The following CASQ2 variants were observed in gnomAD, a reference collection of about 807,000 sequenced individuals.
CASQ2 encodes the protein calsequestrin-2.
Under a neutral mutation model 46.5 loss-of-function variants are expected in CASQ2, and 49 were observed. The ratio of observed to expected loss-of-function variants is 1.05; its 90% CI spans 0.84 to 1.34. The LOEUF is 1.34. Among genes scored for constraint, CASQ2 ranks in the 40% most tolerant of loss-of-function variants. The pLI is 0.00. For missense variants in CASQ2, 486 were observed against 481.3 expected (o/e 1.01, Z -0.09); for synonymous variants, 174 against 168.5 (o/e 1.03, Z -0.25).
chr1:115,758,803 C>A (rs1435708155), intron 1 of CASQ2, among the ~76,000 whole-genome samples: 1 of 152,170 alleles, frequency 6.6e-6, no homozygotes, highest in Non-Finnish European at 1.5e-5. Flanking sequence ...TGGAAGCAGC[C>A]TGTGGCCCTA....
intron 1 of CASQ2, among the ~76,000 whole-genome samples, chr1:115,753,593 GA>G (rs1343278375): frequency 1.3e-5 from 2 of 152,198 alleles, no homozygotes; most frequent in African/African-American, 2.4e-5. Context: ...ACAGAGGCGA[GA>G]GGGGCGCCCT....
At chr1:115,735,887 C>T (rs966339693) in intron 4 of CASQ2, among the ~76,000 whole-genome samples, 4 of 152,168 alleles carry the variant, frequency 2.6e-5, no homozygotes, top group Admixed American at 1.3e-4. Flanking sequence ...GCAGGCCGGA[C>T]GTAGTGGCTC....
intron 8 of CASQ2, among the ~76,000 whole-genome samples, chr1:115,711,218 C>T (rs937525000): frequency 6.6e-6 from 1 of 152,190 alleles, no homozygotes; most frequent in Non-Finnish European, 1.5e-5. Context: ...GTCTCTGCTC[C>T]TGTGAGGAGA....
chr1:115,756,209 C>A (rs1007155582), intron 1 of CASQ2, among the ~76,000 whole-genome samples: 1 of 152,170 alleles, frequency 6.6e-6, no homozygotes, highest in Admixed American at 6.5e-5. Context: ...GCTCCTGGAA[C>A]TGGCACTCCG....
At chr1:115,732,858 A>T (rs759490509) in intron 5 of CASQ2, 43 bp downstream of exon 5, 1 of 1,358,476 alleles carries the variant, frequency 7.4e-7, no homozygotes, top group Non-Finnish European at 1.1e-6. Context: ...TTAATTCTTC[A>T]TGCCTACAAA....
At chr1:115,711,513 T>C (rs923570492) in intron 8 of CASQ2, among the ~76,000 whole-genome samples, 1 of 151,916 alleles carries the variant, frequency 6.6e-6, no homozygotes, top group Non-Finnish European at 1.5e-5. Context: ...GGGAGACACA[T>C]GCAGAAGGTC....
intron 8 of CASQ2, among the ~76,000 whole-genome samples, chr1:115,706,926 T>A (rs1275213812): frequency 6.6e-6 from 1 of 152,130 alleles, no homozygotes; most frequent in Admixed American, 6.5e-5. Flanking sequence ...CTACTTTGAG[T>A]TTTTGAGTTG....
At chr1:115,738,381 C>A in intron 3 of CASQ2, 46 bp from the exon 4 acceptor site, 1 of 1,213,850 alleles carries the variant, frequency 8.2e-7, no homozygotes, top group Non-Finnish European at 1.2e-6. Context: ...CAAGAGATTT[C>A]CTTCTTCACT....
intron 1 of CASQ2, among the ~76,000 whole-genome samples, chr1:115,754,592 C>G (rs61110087): frequency 0.068 from 10,404 of 152,094 alleles, 1,205 homozygotes; most frequent in African/African-American, 0.24. Flanking sequence ...AACCAACTTG[C>G]CTGGGGACAC....
At chr1:115,728,156 C>T (rs553959396) in intron 5 of CASQ2, among the ~76,000 whole-genome samples, 25 of 152,224 alleles carry the variant, frequency 1.6e-4, no homozygotes, top group African/African-American at 5.3e-4. Context: ...TGACCCAGGG[C>T]GGCTGCAACT....
chr1:115,719,241 G>A (rs891848232), intron 7 of CASQ2, among the ~76,000 whole-genome samples: 5 of 148,438 alleles, frequency 3.4e-5, no homozygotes, highest in Non-Finnish European at 5.9e-5. Flanking sequence ...AGATACGCAT[G>A]TGTGTGCCTG....
rs559701296 is a variant in CASQ2, at chr1:115,736,408, G to C, written c.532+1816C>G. On this transcript the variant is annotated intron_variant, in intron 4 of 10. Coordinates refer to ENST00000261448, the MANE Select transcript of CASQ2 (RefSeq NM_001232.4). ...TCCAAGCACTTTGGGAGGCTGAGGC[G>C]GGTGGATCACTTGAGGTCAGGAGTT... Among the ~76,000 whole-genome samples the C allele has an allele frequency of 5.3e-5, 8 of 152,082 alleles. 1 individual carries two copies. The highest frequency in any genetic ancestry group is 1.3e-4 in the Admixed American group (2 of 15,284).
chr1:115,700,749 C>A lies in CASQ2; in HGVS notation c.*492G>T. On this transcript the variant is annotated 3_prime_UTR_variant, in exon 11 of 11. Transcript: ENST00000261448. ...AGGCTGAGCCTTCTCTAAGAAGGAT[C>A]ATCTTGGCTGGAGGAGGGATCCCAA... The A allele has an allele frequency of 2.5e-6, 1 of 407,998 alleles. No individual in the cohort carries two copies. 25.3% of individuals were successfully genotyped at this position (407,998 alleles called of 1,614,324 possible). A position where few individuals can be genotyped will look rare whatever the true frequency, so the allele number is the denominator to read the frequency against.
intron 1 of CASQ2, among the ~76,000 whole-genome samples, chr1:115,762,469 T>C (rs1648996495): frequency 1.3e-5 from 2 of 152,138 alleles, no homozygotes; most frequent in South Asian, 4.2e-4. Flanking sequence ...AATAAATGCA[T>C]GTTGGTTACA....
chr1:115,751,370 A>G (rs531000266), intron 1 of CASQ2, among the ~76,000 whole-genome samples: 1 of 151,048 alleles, frequency 6.6e-6, no homozygotes, highest in Non-Finnish European at 1.5e-5. Context: ...GAAATTCATT[A>G]AAAAAAAATA....
chr1:115,723,337 CATCT>C (rs944867060), intron 7 of CASQ2, among the ~76,000 whole-genome samples: 1 of 87,284 alleles, frequency 1.1e-5, no homozygotes, highest in African/African-American at 5.1e-5. Context: ...ATCTATCTAT[CATCT>C]ATCTATGTAT....
intron 9 of CASQ2, among the ~76,000 whole-genome samples, chr1:115,703,272 TG>T (rs2101054137): frequency 6.6e-6 from 1 of 152,380 alleles, no homozygotes; most frequent in Admixed American, 6.5e-5. Flanking sequence ...AAATTACTTG[TG>T]GCTGTTTTAT....
At chr1:115,726,957 C>T in intron 6 of CASQ2, 35 bp downstream of exon 6, 3 of 1,370,726 alleles carry the variant, frequency 2.2e-6, no homozygotes, top group Non-Finnish European at 2.0e-6. Flanking sequence ...TCCCCAGACC[C>T]CAGGCCCCCA....
chr1:115,720,195 T>A (rs925969926), intron 7 of CASQ2, among the ~76,000 whole-genome samples: 1 of 152,156 alleles, frequency 6.6e-6, no homozygotes. Context: ...GGGTAGCTTA[T>A]AAACAACAGA....
Sources: gnomAD v4.1 joint callset for allele counts (sites outside exome capture counted in the v4.1 genomes callset) on GRCh38, gnomAD v4.1.1 for gene constraint, MANE v1.5 for transcripts, NCBI Gene and HGNC (gene_info 2026-07-23, HGNC 2026-07-21) for gene names.